CSF3R: variants seen among roughly 807,000 people sequenced by gnomAD.
CSF3R encodes colony stimulating factor 3 receptor, also known as granulocyte colony-stimulating factor receptor.
Under a neutral mutation model 84.4 loss-of-function variants are expected in CSF3R, and 52 were observed. The ratio of observed to expected loss-of-function variants is 0.62; its 90% CI spans 0.49 to 0.78. The LOEUF (loss-of-function observed/expected upper bound fraction) is 0.78, where lower values mean the gene tolerates loss of function less well. CSF3R is among the 30% of genes least tolerant of loss of function. CSF3R has a pLI of 0.00. For synonymous variants in CSF3R, 384 were observed against 429.1 expected (o/e 0.89, Z 1.30); for missense variants, 890 against 1,055.7 (o/e 0.84, Z 2.17).
Position 36,477,893 on chromosome 1 carries a change from G to C in CSF3R, c.64+1540C>G, listed in dbSNP as rs1361040746. ...CCTGCCTCAGCCTCCCGAGTAGCTAGGACTACAGGCACCCGGCACCATGCC... is the reference window on the plus strand; with the variant it reads ...CCTGCCTCAGCCTCCCGAGTAGCTACGACTACAGGCACCCGGCACCATGCC... On this transcript the variant is annotated intron_variant, in intron 3 of 16. Coordinates refer to ENST00000373106, the MANE Select transcript of CSF3R (RefSeq NM_000760.4). Among the ~76,000 whole-genome samples the C allele has an allele frequency of 3.9e-5, 6 of 152,032 alleles. No homozygotes were observed. The East Asian group carries it at 9.8e-4, about 25-fold the overall frequency.
At chr1:36,483,084 T>C (rs1651635723), upstream of CSF3R, 1 of 151,516 alleles carries the variant, frequency 6.6e-6, no homozygotes, top group Non-Finnish European at 1.5e-5. Context: ...GCCTTGGGGG[T>C]CTTAAAGGGC....
intron 5 of CSF3R, 54 bp downstream of exon 5, chr1:36,473,710 A>G (rs1289600798): frequency 3.1e-6 from 5 of 1,613,914 alleles, no homozygotes; most frequent in Non-Finnish European, 4.2e-6. Flanking sequence ...CATCCTACCC[A>G]TGCCCTACCC....
chr1:36,466,295 C>T lies in CSF3R; in HGVS notation c.*62G>A. ...TTAGTCATGGGCTTATGGACCCTCC[C>T]CTCTTCTCCAGCTAGCTCAGGCCTT... On this transcript the variant is annotated 3_prime_UTR_variant, in exon 17 of 17. Transcript: ENST00000373106. The surrounding 1 kb of genome is among the most constrained non-coding windows in gnomAD (Gnocchi z 4.6). 6.2e-7 allele frequency: 1 copy of T among 1,611,718 alleles called. No homozygotes were observed. Among genetic ancestry groups the T allele is most frequent in the Non-Finnish European group, 8.5e-7 (1 of 1,179,426 alleles).
At chr1:36,468,904 G>C in intron 12 of CSF3R, 2 of 503,112 alleles carry the variant, frequency 4.0e-6, no homozygotes, top group Non-Finnish European at 7.3e-6. Flanking sequence ...ATTTTTGTCT[G>C]GGAAATGGTT....
chr1:36,475,820 C>T (rs916759944), intron 3 of CSF3R, 147 bp from the exon 4 acceptor site: 29 of 778,642 alleles, frequency 3.7e-5, no homozygotes, highest in Admixed American at 1.8e-4. Flanking sequence ...AGGATGGGGA[C>T]GGAGACTTCG....
rs2124111018 is a variant in CSF3R at position 36,469,753 on chromosome 1, C to A, written c.1373G>T (p.Gly458Val). The A allele has an allele frequency of 6.2e-7, 1 of 1,614,204 alleles. No individual in the cohort carries two copies. Among genetic ancestry groups the A allele is most frequent in the South Asian group, 1.1e-5 (1 of 91,084 alleles). Reference sequence around the variant, plus strand: ...GCCCAGGCCCCACTCAATCACATAGCCCTGAGGCCATGGATTGGGGGGCTC... The same window carrying A: ...GCCCAGGCCCCACTCAATCACATAGACCTGAGGCCATGGATTGGGGGGCTC... ...GWEPPNPWPQ[G>V]YVIEWGLGPP... Residue 458 changes from glycine (G) to valine (V), a missense_variant, in exon 11 of 17, where the codon GGC (glycine) becomes GTC (valine). Physicochemically the swap from Gly to Val is moderately radical, Grantham distance 109 (BLOSUM62 -3). Coordinates refer to ENST00000373106, the MANE Select transcript of CSF3R (RefSeq NM_000760.4).
In CSF3R at chr1:36,475,006, T is replaced by C. The variant is rs527332868; in HGVS notation, c.361+371A>G. Reference sequence around the variant, plus strand: ...CTCAATAGGTAGTACTCTTTTTTTTTTTTCTTCTTTTTTTTGAGACCAAGT... The same window carrying C: ...CTCAATAGGTAGTACTCTTTTTTTTCTTTCTTCTTTTTTTTGAGACCAAGT... On this transcript the variant is annotated intron_variant, in intron 4 of 16. Transcript: ENST00000373106. 4.9e-3 allele frequency among the ~76,000 whole-genome samples: 740 copies of C among 152,038 alleles called. 11 individuals are homozygous for C. Among genetic ancestry groups the C allele is most frequent in the African/African-American group, 0.017 (712 of 41,474 alleles).
chr1:36,473,902 G>A lies in CSF3R; in HGVS notation c.362-15C>T. On this transcript the variant is annotated splice_polypyrimidine_tract_variant and intron_variant, in intron 4 of 16. Transcript: ENST00000373106. ...GGCTGGAGGGTCTGCATGTGGGTGG[G>A]AAGAGTGTGAGGGCTTTGGGTGGGA... 1 of 1,613,870 alleles carries A rather than the reference G, an allele frequency of 6.2e-7. No homozygotes were observed.
In CSF3R at chr1:36,467,866, C is replaced by T; in HGVS notation, c.1820G>A (p.Gly607Glu). Residue 607 changes from glycine to glutamate, a missense_variant, in exon 14 of 17, where the codon GGG becomes GAG. Transcript: ENST00000373106. This position sits in a 1 kb window ranked among gnomAD's most constrained non-coding sequence, Gnocchi z 4.1. ...GGTGAGGACTGTACTGTTGGTGGCC[C>T]CAGCCTGGCTGGCAGCCATGAGGTG... Reference protein sequence around the residue: ...HIHLMAASQAGATNSTVLTLM... With the variant: ...HIHLMAASQAEATNSTVLTLM... The T allele has an allele frequency of 1.9e-6, 3 of 1,614,226 alleles. No individual in the cohort carries two copies. The highest frequency in any genetic ancestry group is 2.5e-6 in the Non-Finnish European group (3 of 1,180,048).
Position 36,467,828 on chromosome 1 carries a change from T to G in CSF3R, c.1858A>C (p.Thr620Pro). Reference sequence around the variant, plus strand: ...AGCCCCCGTCTCCCCTTACCTGGGGTCAAGGTCATCAGGGTGAGGACTGTA... The same window carrying G: ...AGCCCCCGTCTCCCCTTACCTGGGGGCAAGGTCATCAGGGTGAGGACTGTA... ...NSTVLTLMTL[T>P]PEGSELHIIL... Residue 620 changes from threonine to proline, a missense_variant, in exon 14 of 17, where the codon ACC becomes CCC. Thr to Pro is a conservative substitution (Grantham distance 38). Transcript: ENST00000373106. This position sits in a 1 kb window ranked among gnomAD's most constrained non-coding sequence, Gnocchi z 4.1. 6.2e-7 allele frequency: 1 copy of G among 1,614,132 alleles called. No homozygotes were observed. Among genetic ancestry groups the G allele is most frequent in the Non-Finnish European group, 8.5e-7 (1 of 1,180,018 alleles).
chr1:36,479,514 C>T lies in CSF3R; in HGVS notation c.-18G>A. 6.2e-7 allele frequency: 1 copy of T among 1,613,110 alleles called. No homozygotes were observed. The highest frequency in any genetic ancestry group is 8.5e-7 in the Non-Finnish European group (1 of 1,179,040). On this transcript the variant is annotated splice_region_variant and 5_prime_UTR_variant, in exon 3 of 17. Coordinates refer to ENST00000373106, the MANE Select transcript of CSF3R (RefSeq NM_000760.4). ...CTTGCCATAGCACCAACTTGATGTT[C>T]ACCTGTAGGCAGAAGGGTTGTTTAA...
chr1:36,471,806 G>A, intron 9 of CSF3R, 160 bp from the exon 10 acceptor site: 1 of 768,728 alleles, frequency 1.3e-6, no homozygotes, highest in East Asian at 2.7e-5. Flanking sequence ...CCTTGTGCTA[G>A]GTTCTAGGAA....
chr1:36,466,087 A>G lies in CSF3R; in HGVS notation c.*270T>C. The G allele has an allele frequency of 6.2e-7, 1 of 1,614,182 alleles. No individual in the cohort carries two copies. Among genetic ancestry groups the G allele is most frequent in the Non-Finnish European group, 8.5e-7 (1 of 1,180,038 alleles). On this transcript the variant is annotated 3_prime_UTR_variant, in exon 17 of 17. Coordinates refer to ENST00000373106, the MANE Select transcript of CSF3R (RefSeq NM_000760.4). The surrounding 1 kb of genome is among the most constrained non-coding windows in gnomAD (Gnocchi z 4.6). Reference sequence around the variant, plus strand: ...AAACAACAACAAAAACTGCAAACCAAAAACTAGTTTACAATACTGAAGTTA... The same window carrying G: ...AAACAACAACAAAAACTGCAAACCAGAAACTAGTTTACAATACTGAAGTTA...
Position 36,467,296 on chromosome 1 carries a change from G to T in CSF3R, c.1974C>A (p.Leu658=). The T allele has an allele frequency of 1.2e-6, 2 of 1,614,224 alleles. No homozygotes were observed. The highest frequency in any genetic ancestry group is 1.7e-6 in the Non-Finnish European group (2 of 1,180,036). The change falls in exon 16 of 17, where the codon CTC becomes CTA. Residue 658 remains leucine, a synonymous_variant. Coordinates refer to ENST00000373106, the MANE Select transcript of CSF3R (RefSeq NM_000760.4). The surrounding 1 kb of genome is among the most constrained non-coding windows in gnomAD (Gnocchi z 4.1). Reference sequence around the variant, plus strand: ...GAGCTGGGTCTGGGACACTTGGCCAGAGGGGATTCTTCCTGCTGGAGAAGG... The same window carrying T: ...GAGCTGGGTCTGGGACACTTGGCCATAGGGGATTCTTCCTGCTGGAGAAGG... The part of the protein sequence containing the change: ...LCCSPNRKNP[L]WPSVPDPAHS...
chr1:36,467,809 C>T lies in CSF3R; in HGVS notation c.1864+13G>A, dbSNP rs776320121. ...CAAACAGCCATCTCTGCCCAGCCCC[C>T]GTCTCCCCTTACCTGGGGTCAAGGT... On this transcript the variant is annotated intron_variant, in intron 14 of 16. Transcript: ENST00000373106. This position sits in a 1 kb window ranked among gnomAD's most constrained non-coding sequence, Gnocchi z 4.1. 107 of 1,614,100 alleles carry T rather than the reference C, an allele frequency of 6.6e-5. 3 individuals are homozygous for T. The highest frequency in any genetic ancestry group is 1.6e-4 in the Middle Eastern group (1 of 6,084).
Position 36,475,602 on chromosome 1 carries a change from A to T in CSF3R, c.136T>A (p.Cys46Ser). The change falls in exon 4 of 17, where the codon TGC (cysteine) becomes AGC (serine). Residue 46 changes from cysteine (C) to serine (S), a missense_variant. Coordinates refer to ENST00000373106, the MANE Select transcript of CSF3R (RefSeq NM_000760.4). ...TGGCTGCAGTTCTGCTTGATGATGC[A>T]GGAGGCTGTGATGGGATCCCCCAGG... The part of the protein sequence containing the change: ...VHLGDPITAS[C>S]IIKQNCSHLD... 1 of 1,609,586 alleles carries T rather than the reference A, an allele frequency of 6.2e-7. No individual in the cohort carries two copies. The highest frequency in any genetic ancestry group is 8.5e-7 in the Non-Finnish European group (1 of 1,176,280).
chr1:36,471,331 G>A (rs1650707413), intron 10 of CSF3R, 102 bp downstream of exon 10: 1 of 1,181,952 alleles, frequency 8.5e-7, no homozygotes, highest in African/African-American at 1.5e-5. Flanking sequence ...ACAGGCGTGA[G>A]CCACTGCGCC....
intron 3 of CSF3R, chr1:36,477,631 C>G (rs189169752): frequency 2.6e-5 from 4 of 152,274 alleles, no homozygotes; most frequent in African/African-American, 9.6e-5. Flanking sequence ...TTTCTGTCCT[C>G]TCTCAGGTGT....
Position 36,467,581 on chromosome 1 carries a change from A to C in CSF3R, c.1935T>G (p.Thr645=). The change falls in exon 15 of 17, where the codon ACT becomes ACG. Residue 645 remains threonine, a synonymous_variant. Coordinates refer to ENST00000373106, the MANE Select transcript of CSF3R (RefSeq NM_000760.4). This position sits in a 1 kb window ranked among gnomAD's most constrained non-coding sequence, Gnocchi z 4.1. ...LLLLLTCLCG[T]AWLCCSPNRK... ...ACTTGGGGCTGCAACAGAGCCAGGC[A>C]GTTCCACAGAGGCAGGTGAGCAACA... 6.2e-7 allele frequency: 1 copy of C among 1,614,168 alleles called. No individual in the cohort carries two copies. The highest frequency in any genetic ancestry group is 8.5e-7 in the Non-Finnish European group (1 of 1,180,028).
Sources: gnomAD v4.1 joint callset for allele counts (sites outside exome capture counted in the v4.1 genomes callset) on GRCh38, gnomAD v4.1.1 for gene constraint, Gnocchi (gnomAD v3.1) non-coding constraint, MANE v1.5 for transcripts, NCBI Gene and HGNC (gene_info 2026-07-23, HGNC 2026-07-21) for gene names.